The following ZNF365 variants were observed in gnomAD, a reference collection of about 807,000 sequenced individuals.
ZNF365 encodes protein ZNF365.
A neutral mutation model predicts 35.0 loss-of-function variants in ZNF365; 22 were observed. That is an observed-to-expected ratio of 0.63 (90% CI 0.45 to 0.90). The LOEUF (loss-of-function observed/expected upper bound fraction) is 0.90. Among genes scored for constraint, ZNF365 ranks in the 40% least tolerant of loss-of-function variants. The pLI, the probability that ZNF365 is intolerant of heterozygous loss-of-function variation, is 0.00. For missense variants in ZNF365, 448 were observed against 500.3 expected (o/e 0.90, Z 1.00); for synonymous variants, 188 against 196.2 (o/e 0.96, Z 0.35).
chr10:62,470,815 A>AT (rs1379523006), intron 4 of ZNF365, among the ~76,000 whole-genome samples: 2 of 151,108 alleles, frequency 1.3e-5, no homozygotes, highest in African/African-American at 2.4e-5. Context: ...TATTTTGATT[A>AT]TTTTTTCCTG....
At chr10:62,395,848 AGTT>A (rs1839717967) in intron 3 of ZNF365, among the ~76,000 whole-genome samples, 1 of 152,152 alleles carries the variant, frequency 6.6e-6, no homozygotes, top group African/African-American at 2.4e-5. Context: ...TTTGGATAAG[AGTT>A]AGTCAAACCT....
intron 3 of ZNF365, among the ~76,000 whole-genome samples, chr10:62,445,672 G>C (rs1287761689): frequency 6.6e-6 from 1 of 152,168 alleles, no homozygotes; most frequent in African/African-American, 2.4e-5. Flanking sequence ...CAAGTTAGGT[G>C]CTGGATACGT....
At chr10:62,436,191 G>A (rs35229790) in intron 3 of ZNF365, among the ~76,000 whole-genome samples, 331 of 152,118 alleles carry the variant, frequency 2.2e-3, no homozygotes, top group Middle Eastern at 0.01. Context: ...TATAATTAGC[G>A]TGTAACTGGC....
chr10:62,479,465 G>A (rs999128555), intron 4 of ZNF365, among the ~76,000 whole-genome samples: 18 of 152,310 alleles, frequency 1.2e-4, no homozygotes, highest in Admixed American at 5.2e-4. Context: ...TTCTTAAATA[G>A]AAATCTTGCC....
Position 62,432,638 on chromosome 10 carries a change from TTG to T in ZNF365, c.925-27100_925-27099del, listed in dbSNP as rs1840351523. ...AAAAGACCACTGCCTTTTAAGACCA[TTG>T]TGAGTATATTAATACCTCCATATTT... is the stretch of plus-strand genomic sequence containing the variant. On this transcript the variant is annotated intron_variant, in intron 3 of 4. Coordinates refer to the ZNF365 transcript ENST00000395255. Among the ~76,000 whole-genome samples, 3 of 152,306 alleles carry T rather than the reference TTG, an allele frequency of 2.0e-5. No homozygotes were observed. In the South Asian group the frequency reaches 6.2e-4, roughly 32 times the overall value.
At chr10:62,407,381 T>C (rs949819404), downstream of ZNF365, among the ~76,000 whole-genome samples, 14 of 152,202 alleles carry the variant, frequency 9.2e-5, no homozygotes, top group Non-Finnish European at 2.1e-4. Flanking sequence ...GAGATATTCC[T>C]TCAGGTCCTG....
chr10:62,380,988 G>T (rs571327803), intron 2 of ZNF365, among the ~76,000 whole-genome samples: 1 of 152,308 alleles, frequency 6.6e-6, no homozygotes, highest in Admixed American at 6.5e-5. Flanking sequence ...TGTGAGGTGT[G>T]TGGGGGGGAA....
chr10:62,419,124 G>C (rs933103465), intron 3 of ZNF365, among the ~76,000 whole-genome samples: 1 of 152,076 alleles, frequency 6.6e-6, no homozygotes. Context: ...GTAAATGTGT[G>C]CATTCCGCTT....
chr10:62,436,696 G>A (rs1310515803), intron 3 of ZNF365, among the ~76,000 whole-genome samples: 1 of 152,062 alleles, frequency 6.6e-6, no homozygotes, highest in East Asian at 1.9e-4. Context: ...CCTGCTTCTT[G>A]TTGAGCAGAG....
intron 4 of ZNF365, among the ~76,000 whole-genome samples, chr10:62,473,051 C>G (rs1024570238): frequency 2.0e-5 from 3 of 152,124 alleles, no homozygotes; most frequent in Non-Finnish European, 2.9e-5. Context: ...TTCGTTTCAT[C>G]GGCCATACGC....
At chr10:62,402,559 A>G (rs1399979206), downstream of ZNF365, 2 of 639,210 alleles carry the variant, frequency 3.1e-6, no homozygotes, top group East Asian at 2.8e-4. Flanking sequence ...CATCATACAT[A>G]TAATCACCAG....
At position 62,398,885 on chromosome 10, in the gene ZNF365, A is replaced by C. The variant is rs761435655; in HGVS notation, c.962+108A>C. On this transcript the variant is annotated intron_variant, in intron 4 of 4. Coordinates refer to ENST00000395254, the MANE Select transcript of ZNF365 (RefSeq NM_014951.3). ...CTATTTTATATGATATCTATATTAT[A>C]AATGGCTTTGGGAGGCTTAAGTGAA... The C allele has an allele frequency of 2.3e-5, 27 of 1,166,952 alleles. No individual in the cohort carries two copies. In the East Asian group the frequency reaches 7.1e-4, roughly 31 times the overall value. 72.3% of individuals were successfully genotyped at this position (1,166,952 alleles called of 1,614,324 possible). A position where few individuals can be genotyped will look rare whatever the true frequency, so the allele number is the denominator to read the frequency against.
chr10:62,441,902 A>T (rs533415902), intron 3 of ZNF365, among the ~76,000 whole-genome samples: 3 of 152,288 alleles, frequency 2.0e-5, no homozygotes, highest in African/African-American at 7.2e-5. Flanking sequence ...GGCAGAATAG[A>T]TGGTGATTAT....
At chr10:62,439,382 C>G (rs1455332735) in intron 3 of ZNF365, among the ~76,000 whole-genome samples, 16 of 102,464 alleles carry the variant, frequency 1.6e-4, no homozygotes. Context: ...TATTTCAACT[C>G]TAGCAAAAAA....
chr10:62,380,785 A>G (rs958055991), intron 2 of ZNF365, among the ~76,000 whole-genome samples: 3 of 152,232 alleles, frequency 2.0e-5, no homozygotes, highest in East Asian at 1.9e-4. Context: ...AGGTAAATCA[A>G]TCCTGGAAAC....
intron 3 of ZNF365, among the ~76,000 whole-genome samples, chr10:62,457,615 A>T (rs901000853): frequency 1.3e-5 from 2 of 152,208 alleles, no homozygotes; most frequent in South Asian, 2.1e-4. Flanking sequence ...TTATTTCTTG[A>T]GTCTTTGGTG....
At chr10:62,441,015 C>T (rs1161688641) in intron 3 of ZNF365, among the ~76,000 whole-genome samples, 1 of 152,108 alleles carries the variant, frequency 6.6e-6, no homozygotes, top group Non-Finnish European at 1.5e-5. Flanking sequence ...ACTAAGAAGA[C>T]AAATAAATTA....
chr10:62,479,756 T>C (rs1367551320), intron 4 of ZNF365: 1 of 705,352 alleles, frequency 1.4e-6, no homozygotes. Flanking sequence ...AAGTGAAGAG[T>C]TGCCAGTACA....
chr10:62,388,708 A>C, intron 3 of ZNF365, 132 bp downstream of exon 3: 1 of 1,096,052 alleles, frequency 9.1e-7, no homozygotes, highest in Non-Finnish European at 1.3e-6. Context: ...TGCCTGGGCC[A>C]TGCCTGTATT....
Sources: allele counts gnomAD v4.1 joint callset (sites outside exome capture counted in the v4.1 genomes callset), GRCh38; gene constraint gnomAD v4.1.1; transcripts MANE v1.5; gene names NCBI Gene and HGNC (gene_info 2026-07-23, HGNC 2026-07-21).